The following SCHIP1 variants were observed in gnomAD, a reference collection of about 807,000 sequenced individuals.
SCHIP1 encodes schwannomin interacting protein 1.
SCHIP1 carries 8 observed loss-of-function variants against 29.7 expected under a neutral mutation model. The observed-to-expected ratio is 0.27, with a 90% CI of 0.16 to 0.49. The LOEUF is 0.49. Among genes scored for constraint, SCHIP1 ranks in the 20% least tolerant of loss-of-function variants. The pLI is 0.99. For missense variants in SCHIP1, 193 were observed against 294.6 expected (o/e 0.66, Z 2.52); for synonymous variants, 76 against 94.9 (o/e 0.80, Z 1.16).
the SCHIP1 span, among the ~76,000 whole-genome samples, chr3:159,596,801 G>C: frequency 6.6e-6 from 1 of 151,860 alleles, no homozygotes; most frequent in African/African-American, 2.4e-5. Context: ...GGTGTCATGG[G>C]GTGGGTGGAG....
chr3:159,570,939 C>G, the SCHIP1 span, among the ~76,000 whole-genome samples: 1 of 151,862 alleles, frequency 6.6e-6, no homozygotes, highest in Non-Finnish European at 1.5e-5. Context: ...TGATTTGGCT[C>G]TCTGTCTGTT....
At chr3:159,481,078 G>A in the SCHIP1 span, among the ~76,000 whole-genome samples, 10 of 152,200 alleles carry the variant, frequency 6.6e-5, no homozygotes, top group African/African-American at 1.7e-4. Context: ...GGCAGGAACC[G>A]GCCATTTTCA....
chr3:159,773,362 A>G, the SCHIP1 span, among the ~76,000 whole-genome samples: 683 of 152,250 alleles, frequency 4.5e-3, 1 homozygote, highest in Non-Finnish European at 6.4e-3. Flanking sequence ...ATCAAATGCT[A>G]TTTTCAAAGG....
chr3:159,395,646 A>G, the SCHIP1 span, among the ~76,000 whole-genome samples: 1 of 152,078 alleles, frequency 6.6e-6, no homozygotes, highest in Non-Finnish European at 1.5e-5. Flanking sequence ...GAGATTCTTA[A>G]TCCTGCATTC....
At chr3:159,665,282 A>G in the SCHIP1 span, among the ~76,000 whole-genome samples, 2 of 152,198 alleles carry the variant, frequency 1.3e-5, no homozygotes, top group African/African-American at 4.8e-5. Flanking sequence ...AGCCAATTTT[A>G]AAATGATTTT....
chr3:159,532,330 C>G, the SCHIP1 span, among the ~76,000 whole-genome samples: 1 of 151,684 alleles, frequency 6.6e-6, no homozygotes, highest in East Asian at 1.9e-4. Flanking sequence ...CAGTCATTCC[C>G]AATGCAATCT....
chr3:159,691,540 T>G, the SCHIP1 span, among the ~76,000 whole-genome samples: 1 of 152,020 alleles, frequency 6.6e-6, no homozygotes, highest in Admixed American at 6.6e-5. Flanking sequence ...CAATCGGTCT[T>G]GACTCTTTTT....
chr3:159,503,253 C>T, the SCHIP1 span, among the ~76,000 whole-genome samples: 1 of 152,120 alleles, frequency 6.6e-6, no homozygotes, highest in Non-Finnish European at 1.5e-5. Context: ...TTTGACAGCT[C>T]ATAAACTATT....
the SCHIP1 span, among the ~76,000 whole-genome samples, chr3:159,715,916 C>T: frequency 6.6e-6 from 1 of 152,124 alleles, no homozygotes; most frequent in East Asian, 1.9e-4. Context: ...AAAGATACTC[C>T]TCAAGAAGAA....
chr3:159,886,730 G>A (rs908574284), intron 3 of SCHIP1: 12 of 171,964 alleles, frequency 7.0e-5, no homozygotes, highest in South Asian at 2.9e-4. Flanking sequence ...CACTCCAGCC[G>A]GGGCAACATA....
the SCHIP1 span, among the ~76,000 whole-genome samples, chr3:159,551,075 G>A: frequency 0.01 from 1,523 of 152,168 alleles, 16 homozygotes; most frequent in Middle Eastern, 0.055. Flanking sequence ...ATCCTGCTTT[G>A]GTAGCCATGG....
the SCHIP1 span, among the ~76,000 whole-genome samples, chr3:159,457,004 C>A: frequency 1.3e-5 from 2 of 152,062 alleles, no homozygotes; most frequent in East Asian, 1.9e-4. Flanking sequence ...CAAAATAAAA[C>A]CCTTACTATA....
chr3:159,500,607 G>A, the SCHIP1 span, among the ~76,000 whole-genome samples: 2 of 151,816 alleles, frequency 1.3e-5, no homozygotes, highest in South Asian at 2.1e-4. Flanking sequence ...CCAGCTACTC[G>A]GGAGGCTGAG....
At chr3:159,332,183 C>T in the SCHIP1 span, among the ~76,000 whole-genome samples, 1 of 152,222 alleles carries the variant, frequency 6.6e-6, no homozygotes, top group African/African-American at 2.4e-5. Context: ...ATATTAATGT[C>T]AAATTTTTAG....
chr3:159,484,863 A>G, the SCHIP1 span, among the ~76,000 whole-genome samples: 1 of 152,186 alleles, frequency 6.6e-6, no homozygotes, highest in Non-Finnish European at 1.5e-5. Flanking sequence ...ACAGCTCATT[A>G]ATTTCCAAGC....
the SCHIP1 span, among the ~76,000 whole-genome samples, chr3:159,505,444 CTTATTGT>C: frequency 6.6e-6 from 1 of 152,096 alleles, no homozygotes; most frequent in Non-Finnish European, 1.5e-5. Context: ...GAAATCAAAA[CTTATTGT>C]TGAGCCATTA....
At chr3:159,833,207 C>T in the SCHIP1 span, among the ~76,000 whole-genome samples, 8 of 152,184 alleles carry the variant, frequency 5.3e-5, no homozygotes, top group African/African-American at 1.9e-4. Context: ...AGTTGGAAGT[C>T]CTAAATGGGT....
the SCHIP1 span, among the ~76,000 whole-genome samples, chr3:159,584,013 G>A: frequency 1.2e-4 from 18 of 152,228 alleles, no homozygotes; most frequent in African/African-American, 4.3e-4. Context: ...TACAAAGTAG[G>A]TTGCACATAA....
chr3:159,397,324 T>C, the SCHIP1 span, among the ~76,000 whole-genome samples: 9 of 150,762 alleles, frequency 6.0e-5, no homozygotes, highest in Non-Finnish European at 1.3e-4. Flanking sequence ...CTCAGCTCGT[T>C]AAAGTCATTC....
Sources: allele counts gnomAD v4.1 joint callset (sites outside exome capture counted in the v4.1 genomes callset), GRCh38; gene constraint gnomAD v4.1.1; transcripts MANE v1.5; gene names NCBI Gene and HGNC (gene_info 2026-07-23, HGNC 2026-07-21).